GALNT18: variants seen among roughly 807,000 people sequenced by gnomAD.
The protein encoded by GALNT18 is polypeptide N-acetylgalactosaminyltransferase 18.
A neutral mutation model predicts 69.5 loss-of-function variants in GALNT18; 44 were observed. The observed-to-expected ratio is 0.63, with a 90% CI of 0.50 to 0.81. The LOEUF (loss-of-function observed/expected upper bound fraction) is 0.81, where lower values mean the gene tolerates loss of function less well. GALNT18 is among the 40% of genes least tolerant of loss of function. GALNT18 has a pLI of 0.00. For synonymous variants in GALNT18, 364 were observed against 318.2 expected (o/e 1.14, Z -1.53); for missense variants, 715 against 810.0 (o/e 0.88, Z 1.42).
rs142140473 is a variant in GALNT18 at position 11,377,976 on chromosome 11, C to T, written c.780-597G>A. Among the ~76,000 whole-genome samples the T allele has an allele frequency of 2.0e-5, 3 of 152,062 alleles. No homozygotes were observed. The highest frequency in any genetic ancestry group is 4.2e-4 in the South Asian group (2 of 4,816). On this transcript the variant is annotated intron_variant, in intron 4 of 10. Coordinates refer to ENST00000227756, the MANE Select transcript of GALNT18 (RefSeq NM_198516.3). This position sits in a 1 kb window ranked among gnomAD's most constrained non-coding sequence, Gnocchi z 4.6. Reference sequence around the variant, plus strand: ...CTGGGAGACCCTTGAAGGCACCAGGCGAGTAAAGTGTTTGCAGGCAGGAAT... The same window carrying T: ...CTGGGAGACCCTTGAAGGCACCAGGTGAGTAAAGTGTTTGCAGGCAGGAAT...
intron 9 of GALNT18, among the ~76,000 whole-genome samples, chr11:11,294,879 G>A (rs1196514747): frequency 2.0e-5 from 3 of 152,256 alleles, no homozygotes; most frequent in East Asian, 1.9e-4. Context: ...GTGCTCCCCT[G>A]CCCCAGTGAT....
rs1056878027 is a variant in GALNT18 at position 11,372,136 on chromosome 11, G to A, written c.1092+379C>T. Among the ~76,000 whole-genome samples, 3 of 152,218 alleles carry A rather than the reference G, an allele frequency of 2.0e-5. No individual in the cohort carries two copies. The highest frequency in any genetic ancestry group is 4.4e-5 in the Non-Finnish European group (3 of 68,036). ...TGTGGAGAAGACAGAGACTGTCAAA[G>A]TGAGAAATCCCAAGGGGAGCTGACT... On this transcript the variant is annotated intron_variant, in intron 6 of 10. Coordinates refer to ENST00000227756, the MANE Select transcript of GALNT18 (RefSeq NM_198516.3). This position sits in a 1 kb window ranked among gnomAD's most constrained non-coding sequence, Gnocchi z 4.9.
chr11:11,565,790 T>C (rs1232638504), intron 1 of GALNT18, among the ~76,000 whole-genome samples: 2 of 152,190 alleles, frequency 1.3e-5, no homozygotes, highest in Non-Finnish European at 2.9e-5. Context: ...CCAGTCGGTC[T>C]TGGGAGCTTA....
intron 1 of GALNT18, among the ~76,000 whole-genome samples, chr11:11,518,056 C>T (rs1564989977): frequency 6.6e-6 from 1 of 152,210 alleles, no homozygotes; most frequent in Admixed American, 6.5e-5. Context: ...CAGCAGTCTC[C>T]AAGGTGGCAG....
At chr11:11,610,000 G>T (rs113001907) in intron 1 of GALNT18, among the ~76,000 whole-genome samples, 1 of 152,026 alleles carries the variant, frequency 6.6e-6, no homozygotes, top group African/African-American at 2.4e-5. Flanking sequence ...GCTCCTGGGG[G>T]AAAAAATGAT....
At chr11:11,611,679 G>A (rs965599964) in intron 1 of GALNT18, among the ~76,000 whole-genome samples, 1 of 152,188 alleles carries the variant, frequency 6.6e-6, no homozygotes, top group African/African-American at 2.4e-5. Flanking sequence ...TGAAAGACAC[G>A]TGACTATGCC....
At position 11,404,554 on chromosome 11, in the gene GALNT18, A is replaced by C. The variant is rs1854544115; in HGVS notation, c.596-25290T>G. ...GAAGTAAGGAGAGTCACGTGGGAGG[A>C]AAATGTCTGAGTGTATCTGAACCAC... On this transcript the variant is annotated intron_variant, in intron 3 of 10. Coordinates refer to ENST00000227756, the MANE Select transcript of GALNT18 (RefSeq NM_198516.3). The surrounding 1 kb of genome is among the most constrained non-coding windows in gnomAD (Gnocchi z 4.5). 6.6e-6 allele frequency among the ~76,000 whole-genome samples: 1 copy of C among 152,084 alleles called. No homozygotes were observed. The highest frequency in any genetic ancestry group is 2.4e-5 in the African/African-American group (1 of 41,392).
chr11:11,396,484 C>A lies in GALNT18; in HGVS notation c.596-17220G>T, dbSNP rs950551273. Among the ~76,000 whole-genome samples, 3 of 152,100 alleles carry A rather than the reference C, an allele frequency of 2.0e-5. No individual in the cohort carries two copies. The highest frequency in any genetic ancestry group is 2.9e-5 in the Non-Finnish European group (2 of 68,026). Reference sequence around the variant, plus strand: ...CCGATGAATCAGACGAGGAAACTATCCAGATGGGAGCTGAAAACAAAACTT... The same window carrying A: ...CCGATGAATCAGACGAGGAAACTATACAGATGGGAGCTGAAAACAAAACTT... On this transcript the variant is annotated intron_variant, in intron 3 of 10. Coordinates refer to ENST00000227756, the MANE Select transcript of GALNT18 (RefSeq NM_198516.3). The surrounding 1 kb of genome is among the most constrained non-coding windows in gnomAD (Gnocchi z 5.2).
chr11:11,480,780 C>T lies in GALNT18; in HGVS notation c.236-31844G>A, dbSNP rs1045888792. ...TGCTCTACAGAACCCTAGTTCCGTG[C>T]AGAGTTATTAAGTGCTATGTGATAG... On this transcript the variant is annotated intron_variant, in intron 1 of 10. Transcript: ENST00000227756. This position sits in a 1 kb window ranked among gnomAD's most constrained non-coding sequence, Gnocchi z 4.6. Among the ~76,000 whole-genome samples, 2 of 152,158 alleles carry T rather than the reference C, an allele frequency of 1.3e-5. No individual in the cohort carries two copies. Among genetic ancestry groups the T allele is most frequent in the African/African-American group, 4.8e-5 (2 of 41,436 alleles).
At chr11:11,615,941 CA>C (rs1860033574) in intron 1 of GALNT18, among the ~76,000 whole-genome samples, 3 of 152,210 alleles carry the variant, frequency 2.0e-5, no homozygotes, top group South Asian at 4.2e-4. Flanking sequence ...ATTTATGTAT[CA>C]AAAAAATTTG....
In GALNT18 at chr11:11,389,238, T is replaced by C. The variant is rs1247945664; in HGVS notation, c.596-9974A>G. On this transcript the variant is annotated intron_variant, in intron 3 of 10. Coordinates refer to ENST00000227756, the MANE Select transcript of GALNT18 (RefSeq NM_198516.3). This position sits in a 1 kb window ranked among gnomAD's most constrained non-coding sequence, Gnocchi z 4.3. ...TGCTTGCCTCTGAAGACTTGGCTCT[T>C]TTCCAGTCTGTCCAGCAGCCTTCCG... Among the ~76,000 whole-genome samples the C allele has an allele frequency of 1.3e-5, 2 of 152,252 alleles. No homozygotes were observed. Among genetic ancestry groups the C allele is most frequent in the Non-Finnish European group, 1.5e-5 (1 of 68,046 alleles).
chr11:11,282,201 T>C (rs1849094990), intron 10 of GALNT18, among the ~76,000 whole-genome samples: 1 of 152,186 alleles, frequency 6.6e-6, no homozygotes, highest in Non-Finnish European at 1.5e-5. Flanking sequence ...TCGGAAAATT[T>C]CATTCACAAA....
At chr11:11,576,206 C>T (rs1858919960) in intron 1 of GALNT18, among the ~76,000 whole-genome samples, 1 of 152,240 alleles carries the variant, frequency 6.6e-6, no homozygotes. Context: ...GCACCAACTG[C>T]ACCTGACCAG....
At chr11:11,371,998 G>C (rs1217225828) in intron 6 of GALNT18, among the ~76,000 whole-genome samples, 6 of 152,156 alleles carry the variant, frequency 3.9e-5, no homozygotes, top group Admixed American at 1.3e-4. Flanking sequence ...CTAGCACCTG[G>C]GATCAGAAAG....
intron 1 of GALNT18, among the ~76,000 whole-genome samples, chr11:11,567,606 C>T (rs1254189621): frequency 6.6e-6 from 1 of 152,164 alleles, no homozygotes; most frequent in Non-Finnish European, 1.5e-5. Context: ...CCTCTGGGCC[C>T]CAAACCCAGC....
rs1308537356 is a variant in GALNT18 at position 11,616,090 on chromosome 11, C to T, written c.235+5269G>A. Among the ~76,000 whole-genome samples the T allele has an allele frequency of 6.6e-6, 1 of 152,062 alleles. No homozygotes were observed. Among genetic ancestry groups the T allele is most frequent in the East Asian group, 1.9e-4 (1 of 5,190 alleles). ...GGCTCAAGTGATCCTCCCACCTTGG[C>T]CTCCTAAAGTGCTGGGATTATAGGT... On this transcript the variant is annotated intron_variant, in intron 1 of 10. Coordinates refer to ENST00000227756, the MANE Select transcript of GALNT18 (RefSeq NM_198516.3). The surrounding 1 kb of genome is among the most constrained non-coding windows in gnomAD (Gnocchi z 4.4).
chr11:11,437,293 T>C (rs1042849035), intron 2 of GALNT18, among the ~76,000 whole-genome samples: 6 of 152,240 alleles, frequency 3.9e-5, no homozygotes, highest in Non-Finnish European at 8.8e-5. Context: ...TTTTTACTTT[T>C]ATTCTTGTTG....
rs767821946 is a variant in GALNT18, at chr11:11,591,897, C to T, written c.235+29462G>A. On this transcript the variant is annotated intron_variant, in intron 1 of 10. Transcript: ENST00000227756. This position sits in a 1 kb window ranked among gnomAD's most constrained non-coding sequence, Gnocchi z 4.8. The stretch of plus-strand genomic sequence containing the variant: ...GTTTTGAGTTTGATGTAACACAGTC[C>T]TCAAGATCAGACCACATAGAGTCAA... 5.3e-5 allele frequency among the ~76,000 whole-genome samples: 8 copies of T among 152,158 alleles called. No individual in the cohort carries two copies. The highest frequency in any genetic ancestry group is 1.2e-4 in the Non-Finnish European group (8 of 68,040).
intron 1 of GALNT18, among the ~76,000 whole-genome samples, chr11:11,553,826 T>C (rs543681437): frequency 6.6e-6 from 1 of 152,280 alleles, no homozygotes; most frequent in East Asian, 1.9e-4. Flanking sequence ...TCGCCTGCCA[T>C]GTCCCTGATT....
Sources: gnomAD v4.1 joint callset for allele counts (sites outside exome capture counted in the v4.1 genomes callset) on GRCh38, gnomAD v4.1.1 for gene constraint, Gnocchi (gnomAD v3.1) non-coding constraint, MANE v1.5 for transcripts, NCBI Gene and HGNC (gene_info 2026-07-23, HGNC 2026-07-21) for gene names.